Variants in ZNF579 observed in about 807,000 individuals in gnomAD.
ZNF579 encodes zinc finger protein 579.
In ZNF579, 3 loss-of-function variants were observed where a neutral mutation model predicts 5.7. The ratio of observed to expected loss-of-function variants is 0.53; its 90% CI spans 0.24 to 1.36. The LOEUF (loss-of-function observed/expected upper bound fraction) is 1.36. ZNF579 is among the 40% of genes most tolerant of loss of function. ZNF579 has a pLI of 0.16. For synonymous variants in ZNF579, 454 were observed against 409.0 expected, an observed-to-expected ratio of 1.11 and a Z score of -1.33; for missense variants, 679 against 877.6, an observed-to-expected ratio of 0.77 and a Z score of 2.86.
chr19:55,578,647 C>A lies in ZNF579; in HGVS notation c.993G>T (p.Ala331=). 1.3e-6 allele frequency: 2 copies of A among 1,529,084 alleles called. No individual in the cohort carries two copies. Among genetic ancestry groups the A allele is most frequent in the Non-Finnish European group, 1.7e-6 (2 of 1,148,754 alleles). 94.7% of individuals were successfully genotyped at this position (1,529,084 alleles called of 1,614,324 possible). A position where few individuals can be genotyped will look rare whatever the true frequency, so the allele number is the denominator to read the frequency against. Residue 331 remains alanine (A), a synonymous_variant, in exon 2 of 2, where the codon GCG becomes GCT. Coordinates refer to ENST00000325421, the MANE Select transcript of ZNF579 (RefSeq NM_152600.3). ...GPLSLLAPLP[A]AGKKDDKASG... is the part of the protein sequence containing the mutation. ...AGGCCTTGTCGTCCTTCTTGCCCGC[C>A]GCGGGCAGCGGGGCCAGCAGGCTGA...
In ZNF579 at chr19:55,578,107, C is replaced by T. The variant is rs376172183; in HGVS notation, c.1533G>A (p.Pro511=). ...ACTGGGGTGGGGTCCCCGGAGAGGG[C>T]GGCTCTTCCTTAATGTTTGCGAGGG... is the stretch of plus-strand genomic sequence containing the variant. ...PLPLANIKEE[P]PSPGTPPQSP... The change falls in exon 2 of 2, where the codon CCG becomes CCA. Residue 511 remains proline, a synonymous_variant. Coordinates refer to ENST00000325421, the MANE Select transcript of ZNF579 (RefSeq NM_152600.3). The T allele has an allele frequency of 6.4e-7, 1 of 1,561,440 alleles. No individual in the cohort carries two copies. The highest frequency in any genetic ancestry group is 8.7e-7 in the Non-Finnish European group (1 of 1,152,572).
chr19:55,578,933 C>A lies in ZNF579; in HGVS notation c.707G>T (p.Arg236Leu). The change falls in exon 2 of 2, where the codon CGC (arginine) becomes CTC (leucine). Residue 236 changes from arginine (R) to leucine (L), a missense_variant. Coordinates refer to ENST00000325421, the MANE Select transcript of ZNF579 (RefSeq NM_152600.3). ...ADWTLLCLRC[R>L]EAFATKGELK... ...CTCGCCCTTGGTGGCGAAGGCTTCG[C>A]GGCAGCGCAGACACAGCAGCGTCCA... 3 of 1,568,580 alleles carry A rather than the reference C, an allele frequency of 1.9e-6. No individual in the cohort carries two copies. The highest frequency in any genetic ancestry group is 2.6e-6 in the Non-Finnish European group (3 of 1,159,784).
At chr19:55,580,667 T>A (rs1979633797) in intron 1 of ZNF579, 128 bp downstream of exon 1, 1 of 151,888 alleles carries the variant, frequency 6.6e-6, no homozygotes, top group Admixed American at 6.6e-5. Context: ...GGGGGGCCGA[T>A]CTCCTCCGGG....
In ZNF579 at chr19:55,579,531, C is replaced by A; in HGVS notation, c.109G>T (p.Ala37Ser). Residue 37 changes from alanine (A) to serine (S), a missense_variant, in exon 2 of 2, where the codon GCT becomes TCT. By Grantham distance (99) the Ala-to-Ser change is moderately conservative. Around this residue, in one of 6 missense-constraint regions of ZNF579, gnomAD observed 134 missense variants for 208.9 expected, o/e 0.64. Transcript: ENST00000325421. ...GRGRGRGRGG[A>S]GAPRAPLPCP... is the part of the protein sequence containing the mutation. ...GGCAGGGGCGCCCTAGGGGCTCCAG[C>A]GCCCCCCCTGCCACGGCCACGGCCC... 6.9e-7 allele frequency: 1 copy of A among 1,441,460 alleles called. No homozygotes were observed. The highest frequency in any genetic ancestry group is 1.5e-5 in the African/African-American group (1 of 66,298). The allele number at this position is 1,441,460 out of a possible 1,614,324, so 89.3% of individuals were successfully genotyped here. A position where few individuals can be genotyped will look rare whatever the true frequency, so the allele number is the denominator to read the frequency against.
Position 55,578,968 on chromosome 19 carries a change from G to C in ZNF579, c.672C>G (p.Leu224=). The part of the protein sequence containing the change: ...AGRQEEKQVL[L]QADWTLLCLR... ...GACACAGCAGCGTCCAGTCTGCCTG[G>C]AGCAGGACCTGTTTCTCCTCCTGCC... The change falls in exon 2 of 2, where the codon CTC becomes CTG. Residue 224 remains leucine (L), a synonymous_variant. Coordinates refer to ENST00000325421, the MANE Select transcript of ZNF579 (RefSeq NM_152600.3). The C allele has an allele frequency of 3.9e-6, 6 of 1,545,056 alleles. No homozygotes were observed. The highest frequency in any genetic ancestry group is 5.2e-6 in the Non-Finnish European group (6 of 1,150,034).
Position 55,578,364 on chromosome 19 carries a change from C to A in ZNF579, c.1276G>T (p.Asp426Tyr). The change falls in exon 2 of 2, where the codon GAC (aspartate) becomes TAC (tyrosine). Residue 426 changes from aspartate to tyrosine, a missense_variant. Asp to Tyr is a radical substitution (Grantham distance 160, BLOSUM62 -3). Coordinates refer to ENST00000325421, the MANE Select transcript of ZNF579 (RefSeq NM_152600.3). ...TGCACCTGTGCGTGGCGCGCCAGGT[C>A]GGCCAGGCGCTTGAACTCCCGCTGG... Reference protein sequence around the residue: ...RCQREFKRLADLARHAQVHAG... With the variant: ...RCQREFKRLAYLARHAQVHAG... The A allele has an allele frequency of 2.1e-6, 3 of 1,450,740 alleles. No individual in the cohort carries two copies. Among genetic ancestry groups the A allele is most frequent in the South Asian group, 1.3e-5 (1 of 75,408 alleles). The allele number at this position is 1,450,740 out of a possible 1,614,324, so 89.9% of individuals were successfully genotyped here. A position where few individuals can be genotyped will look rare whatever the true frequency, so the allele number is the denominator to read the frequency against.
In ZNF579 at chr19:55,579,492, C is replaced by T. The variant is rs2123529332; in HGVS notation, c.148G>A (p.Gly50Ser). ...TAGTAGGGGAAACGGAAGAGGCGGC[C>T]GCAGGTGGGGCAGGGCAGGGGCGCC... ...PRAPLPCPTC[G>S]RLFRFPYYLS... The change falls in exon 2 of 2, where the codon GGC (glycine) becomes AGC (serine). Residue 50 changes from glycine to serine, a missense_variant. Around this residue, in one of 6 missense-constraint regions of ZNF579, gnomAD observed 134 missense variants for 208.9 expected, o/e 0.64. Coordinates refer to ENST00000325421, the MANE Select transcript of ZNF579 (RefSeq NM_152600.3). 7.3e-7 allele frequency: 1 copy of T among 1,360,708 alleles called. No individual in the cohort carries two copies. The highest frequency in any genetic ancestry group is 9.5e-7 in the Non-Finnish European group (1 of 1,057,962). 84.3% of individuals were successfully genotyped at this position (1,360,708 alleles called of 1,614,324 possible). A position where few individuals can be genotyped will look rare whatever the true frequency, so the allele number is the denominator to read the frequency against.
In ZNF579 at chr19:55,578,456, C is replaced by A; in HGVS notation, c.1184G>T (p.Arg395Leu). Residue 395 changes from arginine to leucine, a missense_variant, in exon 2 of 2, where the codon CGC becomes CTC. Arg to Leu is a moderately radical substitution (Grantham distance 102). Coordinates refer to ENST00000325421, the MANE Select transcript of ZNF579 (RefSeq NM_152600.3). ...CCCGTGCTGCCGCAGGTGCGCCCGGCGCCTGAAACCTTTGCCGCACTCTGG... is the reference window on the plus strand; with the variant it reads ...CCCGTGCTGCCGCAGGTGCGCCCGGAGCCTGAAACCTTTGCCGCACTCTGG... ...WCPECGKGFRRRAHLRQHGVT... is the reference protein window; with the variant it reads ...WCPECGKGFRLRAHLRQHGVT... 2 of 1,460,042 alleles carry A rather than the reference C, an allele frequency of 1.4e-6. No individual in the cohort carries two copies. The highest frequency in any genetic ancestry group is 1.3e-5 in the South Asian group (1 of 74,478). The allele number at this position is 1,460,042 out of a possible 1,614,324, so 90.4% of individuals were successfully genotyped here.
rs975865136 is a variant in ZNF579, at chr19:55,579,558, G to T, written c.82C>A (p.Arg28=). 10 of 1,489,942 alleles carry T rather than the reference G, an allele frequency of 6.7e-6. No individual in the cohort carries two copies. The East Asian group carries it at 1.4e-4, about 21-fold the overall frequency. 92.3% of individuals were successfully genotyped at this position (1,489,942 alleles called of 1,614,324 possible). ...CCCCCCCTGCCACGGCCACGGCCCCGACCACGGCCTCGGCCACGGCCCCGG... is the reference window on the plus strand; with the variant it reads ...CCCCCCCTGCCACGGCCACGGCCCCTACCACGGCCTCGGCCACGGCCCCGG... ...RGRGRGRGRG[R]GRGRGRGGAG... The change falls in exon 2 of 2, where the codon CGG becomes AGG. Residue 28 remains arginine, a synonymous_variant. Coordinates refer to ENST00000325421, the MANE Select transcript of ZNF579 (RefSeq NM_152600.3).
Position 55,579,646 on chromosome 19 carries a change from G to C in ZNF579, c.-2-5C>G. On this transcript the variant is annotated splice_region_variant and splice_polypyrimidine_tract_variant and intron_variant, in intron 1 of 1. Transcript: ENST00000325421. ...GAGGAGGCTGCGGATCCATGCCTGT[G>C]GGGAGAGAGGGGAGAGATGGGAAGC... 1 of 1,432,762 alleles carries C rather than the reference G, an allele frequency of 7.0e-7. No homozygotes were observed. Among genetic ancestry groups the C allele is most frequent in the South Asian group, 1.4e-5 (1 of 70,920 alleles). The allele number at this position is 1,432,762 out of a possible 1,614,324, so 88.8% of individuals were successfully genotyped here. A position where few individuals can be genotyped will look rare whatever the true frequency, so the allele number is the denominator to read the frequency against.
In ZNF579 at chr19:55,577,547, T is replaced by G; in HGVS notation, c.*404A>C. On this transcript the variant is annotated 3_prime_UTR_variant, in exon 2 of 2. Transcript: ENST00000325421. ...CTCTTGGATTTCACGAACTCACATT[T>G]ATTCACAGACAGACAAAGGGACAAG... is the stretch of plus-strand genomic sequence containing the variant. 1 of 197,432 alleles carries G rather than the reference T, an allele frequency of 5.1e-6. No homozygotes were observed. The allele number at this position is 197,432 out of a possible 1,614,324, so 12.2% of individuals were successfully genotyped here.
At position 55,578,295 on chromosome 19, in the gene ZNF579, G is replaced by A; in HGVS notation, c.1345C>T (p.Arg449Cys). Residue 449 changes from arginine to cysteine, a missense_variant, in exon 2 of 2, where the codon CGC becomes TGC. Physicochemically the swap from Arg to Cys is radical, Grantham distance 180. Around this residue, in one of 6 missense-constraint regions of ZNF579, gnomAD observed 68 missense variants for 154.2 expected, o/e 0.44. Coordinates refer to ENST00000325421, the MANE Select transcript of ZNF579 (RefSeq NM_152600.3). Reference sequence around the variant, plus strand: ...AGGAGGCTGTAGGCGCGCGAGAAGCGGCGCGGGCAGCGGGGGCACGGGTGC... The same window carrying A: ...AGGAGGCTGTAGGCGCGCGAGAAGCAGCGCGGGCAGCGGGGGCACGGGTGC... Reference protein sequence around the residue: ...APHPCPRCPRRFSRAYSLLRH... With the variant: ...APHPCPRCPRCFSRAYSLLRH... 1 of 1,291,386 alleles carries A rather than the reference G, an allele frequency of 7.7e-7. No homozygotes were observed. The highest frequency in any genetic ancestry group is 9.8e-7 in the Non-Finnish European group (1 of 1,023,098). The allele number at this position is 1,291,386 out of a possible 1,614,324, so 80.0% of individuals were successfully genotyped here.
chr19:55,578,427 T>C lies in ZNF579; in HGVS notation c.1213A>G (p.Thr405Ala). ...RRAHLRQHGV[T>A]HSGARPFQCV... ...TGGAAGGGGCGCGCTCCCGAGTGGG[T>C]CACCCCGTGCTGCCGCAGGTGCGCC... Residue 405 changes from threonine to alanine, a missense_variant, in exon 2 of 2, where the codon ACC (threonine) becomes GCC (alanine). This residue lies in a region of ZNF579 where 68 missense variants were observed against 154.2 expected (regional missense o/e 0.44). Coordinates refer to ENST00000325421, the MANE Select transcript of ZNF579 (RefSeq NM_152600.3). 1 of 1,480,032 alleles carries C rather than the reference T, an allele frequency of 6.8e-7. No homozygotes were observed. The highest frequency in any genetic ancestry group is 2.4e-5 in the Admixed American group (1 of 42,016). 91.7% of individuals were successfully genotyped at this position (1,480,032 alleles called of 1,614,324 possible).
At chr19:55,580,276 G>C (rs1979610247) in intron 1 of ZNF579, among the ~76,000 whole-genome samples, 1 of 152,106 alleles carries the variant, frequency 6.6e-6, no homozygotes, top group Non-Finnish European at 1.5e-5. Context: ...ATTTGAAGCC[G>C]GTAGGCCCCG....
chr19:55,577,910 G>C lies in ZNF579; in HGVS notation c.*41C>G, dbSNP rs980675818. On this transcript the variant is annotated 3_prime_UTR_variant, in exon 2 of 2. Transcript: ENST00000325421. ...ACTTCCCTCCTCCATTCTGCAAACC[G>C]GGGAGCTCAGGCGGAGCGGCGGAGG... 6.4e-6 allele frequency: 10 copies of C among 1,552,178 alleles called. No individual in the cohort carries two copies. Among genetic ancestry groups the C allele is most frequent in the East Asian group, 2.4e-5 (1 of 41,698 alleles).
At chr19:55,580,430 G>A (rs1229177839) in intron 1 of ZNF579, among the ~76,000 whole-genome samples, 1 of 151,792 alleles carries the variant, frequency 6.6e-6, no homozygotes, top group Non-Finnish European at 1.5e-5. Context: ...GAGACTCCTG[G>A]GTCCAGGTCA....
intron 1 of ZNF579, 164 bp from the exon 2 acceptor site, chr19:55,579,805 G>A (rs1979587301): frequency 2.8e-6 from 2 of 713,036 alleles, no homozygotes; most frequent in Non-Finnish European, 4.0e-6. Flanking sequence ...GAGAGACACC[G>A]AGGGGAGGCC....
In ZNF579 at chr19:55,577,699, T is replaced by C; in HGVS notation, c.*252A>G. ...ACCAGTCTCCATCCCTCTGGCCAAC[T>C]GTCCGCCGCCTTTTTTTCCAAGTCG... is the stretch of plus-strand genomic sequence containing the variant. On this transcript the variant is annotated 3_prime_UTR_variant, in exon 2 of 2. Transcript: ENST00000325421. The C allele has an allele frequency of 1.7e-6, 1 of 584,686 alleles. No homozygotes were observed. 36.2% of individuals were successfully genotyped at this position (584,686 alleles called of 1,614,324 possible).
At chr19:55,579,702 G>T in intron 1 of ZNF579, 61 bp from the exon 2 acceptor site, 2 of 1,346,104 alleles carry the variant, frequency 1.5e-6, no homozygotes, top group Non-Finnish European at 1.9e-6. Context: ...TGCGTGGGGT[G>T]TGGCAGAAAG....
Sources: allele counts gnomAD v4.1 joint callset (sites outside exome capture counted in the v4.1 genomes callset), GRCh38; gene constraint gnomAD v4.1.1; regional missense constraint gnomAD v4.1.1; transcripts MANE v1.5; gene names NCBI Gene and HGNC (gene_info 2026-07-23, HGNC 2026-07-21).